Variants in ZFAT observed in about 807,000 individuals in gnomAD.
The protein encoded by ZFAT is zinc finger and AT-hook domain containing.
Under a neutral mutation model 117.7 loss-of-function variants are expected in ZFAT, and 64 were observed. The ratio of observed to expected loss-of-function variants is 0.54; its 90% CI spans 0.44 to 0.67. The LOEUF (loss-of-function observed/expected upper bound fraction) is 0.67, where lower values mean the gene tolerates loss of function less well. Among genes scored for constraint, ZFAT ranks in the 30% least tolerant of loss-of-function variants. The pLI is 0.00. For missense variants in ZFAT, 1,433 were observed against 1,584.5 expected, an observed-to-expected ratio of 0.90 and a Z score of 1.62; for synonymous variants, 679 against 615.0, an observed-to-expected ratio of 1.10 and a Z score of -1.54.
intron 12 of ZFAT, among the ~76,000 whole-genome samples, chr8:134,525,912 A>G (rs1293402266): frequency 6.6e-6 from 1 of 152,186 alleles, no homozygotes; most frequent in Non-Finnish European, 1.5e-5. Flanking sequence ...AAAACAAATG[A>G]GCTTCTTTCT....
intron 11 of ZFAT, among the ~76,000 whole-genome samples, chr8:134,561,017 A>T (rs7017258): frequency 0.47 from 72,102 of 152,106 alleles, 17,340 homozygotes; most frequent in East Asian, 0.57. Flanking sequence ...AGAAAATAAC[A>T]TCTTTACTAT....
At chr8:134,731,260 AC>A in the ZFAT span, among the ~76,000 whole-genome samples, 17,200 of 152,284 alleles carry the variant, frequency 0.11, 1,107 homozygotes, top group Non-Finnish European at 0.16. Flanking sequence ...CAACAGAAAC[AC>A]ATATGTATTT....
At chr8:134,750,229 C>T in the ZFAT span, among the ~76,000 whole-genome samples, 798 of 151,932 alleles carry the variant, frequency 5.3e-3, 4 homozygotes, top group African/African-American at 0.019. Flanking sequence ...GTAATTAATG[C>T]TTTTTAAATT....
the ZFAT span, among the ~76,000 whole-genome samples, chr8:134,813,800 A>G: frequency 3.1e-5 from 3 of 96,914 alleles, no homozygotes; most frequent in Non-Finnish European, 6.3e-5. Flanking sequence ...TTTTGATTTT[A>G]TACACACACA....
intron 2 of ZFAT, among the ~76,000 whole-genome samples, chr8:134,646,524 G>A (rs1830907290): frequency 6.6e-6 from 1 of 151,608 alleles, no homozygotes; most frequent in South Asian, 2.1e-4. Context: ...GAATAAATAA[G>A]CCCAAAGTGA....
chr8:134,554,970 G>A (rs879916938), intron 11 of ZFAT, among the ~76,000 whole-genome samples: 8 of 152,152 alleles, frequency 5.3e-5, no homozygotes, highest in Non-Finnish European at 7.4e-5. Flanking sequence ...TCTTGAGTTG[G>A]GGGTTACCAA....
chr8:134,772,035 A>G, the ZFAT span, among the ~76,000 whole-genome samples: 6 of 152,194 alleles, frequency 3.9e-5, no homozygotes, highest in East Asian at 1.9e-4. Context: ...ATTACCTCCC[A>G]TCAGGTCCCT....
intron 11 of ZFAT, among the ~76,000 whole-genome samples, chr8:134,537,980 T>C (rs567448462): frequency 6.6e-6 from 1 of 151,994 alleles, no homozygotes; most frequent in East Asian, 1.9e-4. Flanking sequence ...AGGGAGAGGG[T>C]GTATTCCTAG....
At chr8:134,723,217 T>G in the ZFAT span, 23 of 152,430 alleles carry the variant, frequency 1.5e-4, no homozygotes, top group African/African-American at 5.1e-4. Context: ...GCTGCCTGAC[T>G]GCAGGCAGCA....
At chr8:134,744,965 G>A in the ZFAT span, among the ~76,000 whole-genome samples, 4 of 150,966 alleles carry the variant, frequency 2.6e-5, no homozygotes, top group Middle Eastern at 3.3e-3. Context: ...GCCTGACCTC[G>A]TGATCCGCCC....
chr8:134,546,085 T>C (rs1417479495), intron 11 of ZFAT, among the ~76,000 whole-genome samples: 3 of 152,344 alleles, frequency 2.0e-5, no homozygotes, highest in South Asian at 2.1e-4. Flanking sequence ...ACAACACTTA[T>C]TGCAGCACAT....
intron 1 of ZFAT, among the ~76,000 whole-genome samples, chr8:134,700,632 G>A (rs1833985028): frequency 6.6e-6 from 1 of 152,226 alleles, no homozygotes; most frequent in African/African-American, 2.4e-5. Context: ...CCACCTCAGA[G>A]GAGCTCTGGC....
intron 11 of ZFAT, among the ~76,000 whole-genome samples, chr8:134,545,310 G>A (rs142537981): frequency 1.2e-4 from 19 of 152,166 alleles, no homozygotes; most frequent in African/African-American, 4.3e-4. Flanking sequence ...CCAGGAGTCC[G>A]AGACCAGCCT....
intron 3 of ZFAT, among the ~76,000 whole-genome samples, chr8:134,628,247 C>G (rs1829656494): frequency 6.6e-6 from 1 of 152,080 alleles, no homozygotes; most frequent in South Asian, 2.1e-4. Context: ...GGTAAAAGGG[C>G]AAACGGACAT....
At chr8:134,727,839 A>G in the ZFAT span, among the ~76,000 whole-genome samples, 776 of 152,346 alleles carry the variant, frequency 5.1e-3, 3 homozygotes, top group Middle Eastern at 0.014. Flanking sequence ...AAGTTTATTT[A>G]CAGAACCAAG....
At chr8:134,760,296 A>AC in the ZFAT span, among the ~76,000 whole-genome samples, 46,325 of 147,420 alleles carry the variant, frequency 0.31, 7,637 homozygotes, top group Admixed American at 0.42. Flanking sequence ...AAACAAACAA[A>AC]AAACAAACAA....
chr8:134,727,017 T>G, the ZFAT span, among the ~76,000 whole-genome samples: 2 of 152,044 alleles, frequency 1.3e-5, no homozygotes, highest in African/African-American at 4.8e-5. Context: ...TCGCCTAACC[T>G]TCCTTGCAGA....
chr8:134,478,860 C>T lies in ZFAT; in HGVS notation c.3493-139G>A. On this transcript the variant is annotated intron_variant, in intron 15 of 15. Transcript: ENST00000377838. The surrounding 1 kb of genome is among the most constrained non-coding windows in gnomAD (Gnocchi z 5.2). ...TTCTCCACGGATCCTCTCTACCAGGCTGTGCTTGCTCTCATGCCCATTTTA... is the reference window on the plus strand; with the variant it reads ...TTCTCCACGGATCCTCTCTACCAGGTTGTGCTTGCTCTCATGCCCATTTTA... 7.6e-7 allele frequency: 1 copy of T among 1,322,940 alleles called. No individual in the cohort carries two copies. Among genetic ancestry groups the T allele is most frequent in the Non-Finnish European group, 1.0e-6 (1 of 982,078 alleles). The allele number at this position is 1,322,940 out of a possible 1,614,324, so 82.0% of individuals were successfully genotyped here. A position where few individuals can be genotyped will look rare whatever the true frequency, so the allele number is the denominator to read the frequency against.
At chr8:134,496,926 A>T (rs1380218403) in intron 15 of ZFAT, among the ~76,000 whole-genome samples, 1 of 152,202 alleles carries the variant, frequency 6.6e-6, no homozygotes, top group African/African-American at 2.4e-5. Context: ...GCTGAAGCTG[A>T]CCACCGGGTC....
Sources: gnomAD v4.1 joint callset for allele counts (sites outside exome capture counted in the v4.1 genomes callset) on GRCh38, gnomAD v4.1.1 for gene constraint, Gnocchi (gnomAD v3.1) non-coding constraint, MANE v1.5 for transcripts, NCBI Gene and HGNC (gene_info 2026-07-23, HGNC 2026-07-21) for gene names.